ARHGAP39: variants seen among roughly 807,000 people sequenced by gnomAD.
ARHGAP39 encodes the protein Rho GTPase activating protein 39.
A neutral mutation model predicts 106.9 loss-of-function variants in ARHGAP39; 44 were observed. The ratio of observed to expected loss-of-function variants is 0.41; its 90% CI spans 0.32 to 0.53. The LOEUF is 0.53. Ranked by LOEUF, ARHGAP39 falls within the 20% of genes least tolerant of loss-of-function variation. ARHGAP39 has a pLI of 0.21. For synonymous variants in ARHGAP39, 768 were observed against 693.2 expected, an observed-to-expected ratio of 1.11 and a Z score of -1.69; for missense variants, 1,496 against 1,577.3, an observed-to-expected ratio of 0.95 and a Z score of 0.87.
In ARHGAP39 at chr8:144,547,427, G is replaced by T. The variant is rs1411377947; in HGVS notation, c.1659C>A (p.Phe553Leu). Residue 553 changes from phenylalanine (F) to leucine (L), a missense_variant, in exon 5 of 12, where the codon TTC becomes TTA. Transcript: ENST00000377307. This position sits in a 1 kb window ranked among gnomAD's most constrained non-coding sequence, Gnocchi z 5.2. ...AEGARGAAEP[F>L]LAQARLAWEA... ...CCCAGGCCAGCCGAGCCTGCGCCAG[G>T]AAGGGCTCGGCCGCGCCCCGCGCCC... 6.3e-7 allele frequency: 1 copy of T among 1,588,328 alleles called. No individual in the cohort carries two copies.
At chr8:144,623,758 C>T (rs1820865656) in intron 1 of ARHGAP39, among the ~76,000 whole-genome samples, 2 of 152,258 alleles carry the variant, frequency 1.3e-5, no homozygotes, top group African/African-American at 4.8e-5. Context: ...GAAGCAACGT[C>T]TGGGCAAATG....
At position 144,591,401 on chromosome 8, in the gene ARHGAP39, C is replaced by G. The variant is rs1313424861; in HGVS notation, c.81-10124G>C. On this transcript the variant is annotated intron_variant, in intron 2 of 11. Transcript: ENST00000377307. This position sits in a 1 kb window ranked among gnomAD's most constrained non-coding sequence, Gnocchi z 5.3. The stretch of plus-strand genomic sequence containing the variant: ...ATCTGCAGGAAACTTGTCTTGAGGC[C>G]TGGGGGGACCAAAGGTAGCAGGGCC... Among the ~76,000 whole-genome samples, 1 of 152,218 alleles carries G rather than the reference C, an allele frequency of 6.6e-6. No homozygotes were observed. Among genetic ancestry groups the G allele is most frequent in the Non-Finnish European group, 1.5e-5 (1 of 68,044 alleles).
intron 1 of ARHGAP39, among the ~76,000 whole-genome samples, chr8:144,640,364 T>C (rs1431877631): frequency 2.0e-5 from 3 of 152,180 alleles, no homozygotes; most frequent in African/African-American, 7.2e-5. Flanking sequence ...GGGGTGGGTC[T>C]TTCCCATGCT....
intron 10 of ARHGAP39, among the ~76,000 whole-genome samples, 161 bp downstream of exon 10, chr8:144,532,144 A>C (rs1816749328): frequency 6.6e-6 from 1 of 152,046 alleles, no homozygotes; most frequent in Admixed American, 6.5e-5. Context: ...ACACCTGGGG[A>C]AACTGTCCAA....
chr8:144,537,444 G>A (rs893110179), intron 7 of ARHGAP39, among the ~76,000 whole-genome samples: 1 of 152,140 alleles, frequency 6.6e-6, no homozygotes, highest in African/African-American at 2.4e-5. Context: ...GGAGCCCTCA[G>A]CCGGCAAGTT....
intron 2 of ARHGAP39, among the ~76,000 whole-genome samples, chr8:144,582,225 CAAG>C (rs1211244455): frequency 6.6e-6 from 1 of 152,214 alleles, no homozygotes; most frequent in Non-Finnish European, 1.5e-5. Context: ...TCCCCCAGGT[CAAG>C]GACAGAAAGA....
the ARHGAP39 span, among the ~76,000 whole-genome samples, chr8:144,700,044 C>T: frequency 6.6e-6 from 1 of 152,192 alleles, no homozygotes; most frequent in Non-Finnish European, 1.5e-5. This position sits in a 1 kb window ranked among gnomAD's most constrained non-coding sequence, Gnocchi z 5.6. Context: ...CGGCCATTTC[C>T]CGAGGGTCTC....
At chr8:144,640,130 A>G (rs1048777068) in intron 1 of ARHGAP39, among the ~76,000 whole-genome samples, 6 of 152,152 alleles carry the variant, frequency 3.9e-5, no homozygotes, top group Non-Finnish European at 5.9e-5. Flanking sequence ...GCTATTTTAG[A>G]AGCTCCATGA....
intron 1 of ARHGAP39, among the ~76,000 whole-genome samples, chr8:144,666,964 T>G (rs1445308767): frequency 6.6e-6 from 1 of 152,202 alleles, no homozygotes; most frequent in Admixed American, 6.5e-5. Flanking sequence ...TTTGAACCTT[T>G]GTAAACTTTG....
chr8:144,537,081 C>T (rs975232159), intron 7 of ARHGAP39, among the ~76,000 whole-genome samples: 3 of 152,082 alleles, frequency 2.0e-5, no homozygotes, highest in Admixed American at 6.5e-5. Flanking sequence ...GGTCTGACAG[C>T]GTAGCTCTCA....
chr8:144,676,776 G>C (rs1365429469), intron 1 of ARHGAP39, among the ~76,000 whole-genome samples: 1 of 152,234 alleles, frequency 6.6e-6, no homozygotes, highest in Admixed American at 6.5e-5. Context: ...GCGAGCAGAG[G>C]GAGCCGGCTC....
intron 1 of ARHGAP39, among the ~76,000 whole-genome samples, chr8:144,672,970 A>G (rs1013484092): frequency 1.3e-5 from 2 of 152,200 alleles, no homozygotes; most frequent in African/African-American, 4.8e-5. Context: ...TAATCCCAGC[A>G]CTTTGGGAGG....
At chr8:144,600,210 T>G (rs1209599502) in intron 2 of ARHGAP39, among the ~76,000 whole-genome samples, 4 of 101,670 alleles carry the variant, frequency 3.9e-5, no homozygotes, top group South Asian at 3.5e-4. Flanking sequence ...TGTGCGTGTG[T>G]GTGGGGGGCA....
intron 1 of ARHGAP39, among the ~76,000 whole-genome samples, chr8:144,610,870 G>A (rs572439276): frequency 1.2e-4 from 19 of 152,262 alleles, no homozygotes; most frequent in African/African-American, 4.3e-4. Flanking sequence ...AGGCTGGAGT[G>A]CAGTGGTGGG....
At chr8:144,532,863 C>G (rs1816785123) in intron 9 of ARHGAP39, among the ~76,000 whole-genome samples, 2 of 152,230 alleles carry the variant, frequency 1.3e-5, no homozygotes, top group East Asian at 1.9e-4. Flanking sequence ...CAAGCACGCT[C>G]TGGACCCCTG....
intron 1 of ARHGAP39, among the ~76,000 whole-genome samples, chr8:144,621,164 C>T (rs543179956): frequency 1.4e-4 from 22 of 152,408 alleles, no homozygotes; most frequent in African/African-American, 4.3e-4. Flanking sequence ...TCTGAGCAGT[C>T]CCTGCCTTCA....
At chr8:144,616,871 A>ATGCCCAGTGAATCAATGT (rs1420757928) in intron 1 of ARHGAP39, among the ~76,000 whole-genome samples, 3 of 152,230 alleles carry the variant, frequency 2.0e-5, no homozygotes, top group East Asian at 3.8e-4. Context: ...TATATGCCCA[A>ATGCCCAGTGAATCAATGT]TGCCCAGTGA....
chr8:144,689,806 C>T (rs1277143004), upstream of ARHGAP39, among the ~76,000 whole-genome samples: 4 of 145,450 alleles, frequency 2.8e-5, no homozygotes, highest in Non-Finnish European at 4.5e-5. Context: ...AGTGCAATGG[C>T]GTGATCTCAG....
chr8:144,603,041 A>G (rs1247761752), intron 2 of ARHGAP39, among the ~76,000 whole-genome samples: 10 of 74,192 alleles, frequency 1.3e-4, no homozygotes, highest in South Asian at 5.0e-4. Flanking sequence ...GCGTGCGTGG[A>G]GGCGTGTGTG....
Sources: allele counts gnomAD v4.1 joint callset (sites outside exome capture counted in the v4.1 genomes callset), GRCh38; gene constraint gnomAD v4.1.1; non-coding constraint Gnocchi (gnomAD v3.1); transcripts MANE v1.5; gene names NCBI Gene and HGNC (gene_info 2026-07-23, HGNC 2026-07-21).